Variants in RAPGEF1 observed in about 807,000 individuals in gnomAD.
RAPGEF1 encodes Rap guanine nucleotide exchange factor 1.
A neutral mutation model predicts 143.3 loss-of-function variants in RAPGEF1; 33 were observed. That is an observed-to-expected ratio of 0.23 (90% CI 0.17 to 0.31). The LOEUF (loss-of-function observed/expected upper bound fraction) is 0.31. Ranked by LOEUF, RAPGEF1 falls within the 10% of genes least tolerant of loss-of-function variation. RAPGEF1 has a pLI of 1.00. For missense variants in RAPGEF1, 1,199 were observed against 1,645.4 expected, an observed-to-expected ratio of 0.73 and a Z score of 4.69; for synonymous variants, 629 against 676.5, an observed-to-expected ratio of 0.93 and a Z score of 1.09.
At chr9:131,668,530 G>A (rs1049995219) in intron 1 of RAPGEF1, among the ~76,000 whole-genome samples, 4 of 152,172 alleles carry the variant, frequency 2.6e-5, no homozygotes, top group Admixed American at 1.3e-4. Context: ...CATGGACCTT[G>A]GCCAAGGTCA....
intron 1 of RAPGEF1, among the ~76,000 whole-genome samples, chr9:131,697,955 G>C (rs1470502133): frequency 1.3e-5 from 2 of 152,162 alleles, no homozygotes; most frequent in Non-Finnish European, 2.9e-5. Flanking sequence ...CAGAGGCCTG[G>C]AACAAAGTGG....
intron 1 of RAPGEF1, among the ~76,000 whole-genome samples, chr9:131,677,808 G>C (rs1024661077): frequency 6.6e-6 from 1 of 152,152 alleles, no homozygotes; most frequent in African/African-American, 2.4e-5. Context: ...ACAAACAAGC[G>C]GCCAGCTGCT....
chr9:131,611,391 C>T lies in RAPGEF1; in HGVS notation c.2062-6203G>A, dbSNP rs146549819. On this transcript the variant is annotated intron_variant, in intron 12 of 26. Coordinates refer to ENST00000683357, the MANE Select transcript of RAPGEF1 (RefSeq NM_001377935.1). ...AAAAGGATGTAAAAGAACAAAAATG[C>T]GTTGCTTGGGAGAAGATGGGTGAAT... Among the ~76,000 whole-genome samples, 7 of 152,284 alleles carry T rather than the reference C, an allele frequency of 4.6e-5. No individual in the cohort carries two copies. In the East Asian group the frequency reaches 7.7e-4, roughly 17 times the overall value.
At chr9:131,688,672 C>G (rs1468834086) in intron 1 of RAPGEF1, among the ~76,000 whole-genome samples, 1 of 152,144 alleles carries the variant, frequency 6.6e-6, no homozygotes, top group Non-Finnish European at 1.5e-5. Flanking sequence ...TGGCTCACCC[C>G]TGTAATCCCA....
chr9:131,611,989 C>T (rs2282004), intron 12 of RAPGEF1, among the ~76,000 whole-genome samples: 15,733 of 152,236 alleles, frequency 0.1, 1,038 homozygotes, highest in East Asian at 0.25. Context: ...CTTCTCTCTC[C>T]TGGCTTCTCC....
At chr9:131,695,187 G>GT (rs1215782999) in intron 1 of RAPGEF1, among the ~76,000 whole-genome samples, 7 of 152,140 alleles carry the variant, frequency 4.6e-5, no homozygotes, top group African/African-American at 1.7e-4. Flanking sequence ...ATGCATGAAC[G>GT]TGCTTCTTCT....
At chr9:131,586,611 C>T (rs1952935212) in intron 22 of RAPGEF1, among the ~76,000 whole-genome samples, 1 of 113,632 alleles carries the variant, frequency 8.8e-6, no homozygotes, top group Admixed American at 8.0e-5. Flanking sequence ...CCGTCTCAAA[C>T]ACACACACAC....
In RAPGEF1 at chr9:131,605,125, G is replaced by A; in HGVS notation, c.2125C>T (p.Pro709Ser). 3 of 1,363,914 alleles carry A rather than the reference G, an allele frequency of 2.2e-6. No individual in the cohort carries two copies. The highest frequency in any genetic ancestry group is 2.9e-6 in the Non-Finnish European group (3 of 1,020,674). 84.5% of individuals were successfully genotyped at this position (1,363,914 alleles called of 1,614,324 possible). A position where few individuals can be genotyped will look rare whatever the true frequency, so the allele number is the denominator to read the frequency against. ...FVPHHQASVP[P>S]FLPPTSSSSP... ...GAAGAGGAGGTAGGCGGAAGGAAAG[G>A]CGGAACGGAAGCTTGGTGGTGAGGC... Residue 709 changes from proline to serine, a missense_variant, in exon 13 of 27, where the codon CCT becomes TCT. Around this residue, in one of 6 missense-constraint regions of RAPGEF1, gnomAD observed 293 missense variants for 356.2 expected, o/e 0.82. Coordinates refer to ENST00000683357, the MANE Select transcript of RAPGEF1 (RefSeq NM_001377935.1).
intron 14 of RAPGEF1, among the ~76,000 whole-genome samples, chr9:131,603,386 G>A (rs1383921600): frequency 1.3e-5 from 2 of 152,236 alleles, no homozygotes; most frequent in African/African-American, 4.8e-5. Flanking sequence ...GTACCGCGAT[G>A]GTCGGGAGCT....
In RAPGEF1 at chr9:131,628,730, G is replaced by T; in HGVS notation, c.894-58C>A. ...ACCACACTCACCAAAGCTCTTCAGC[G>T]TGATATTGGGGTACAGGATGTGGGG... On this transcript the variant is annotated intron_variant, in intron 7 of 26. Transcript: ENST00000683357. The surrounding 1 kb of genome is among the most constrained non-coding windows in gnomAD (Gnocchi z 5.7). 1 of 1,532,008 alleles carries T rather than the reference G, an allele frequency of 6.5e-7. No homozygotes were observed. The highest frequency in any genetic ancestry group is 1.3e-5 in the South Asian group (1 of 79,466). The allele number at this position is 1,532,008 out of a possible 1,614,324, so 94.9% of individuals were successfully genotyped here. A position where few individuals can be genotyped will look rare whatever the true frequency, so the allele number is the denominator to read the frequency against.
chr9:131,709,469 T>C (rs945329841), intron 1 of RAPGEF1: 10 of 665,778 alleles, frequency 1.5e-5, no homozygotes, highest in East Asian at 8.2e-5. Flanking sequence ...CTCAGGAGAA[T>C]TGTGAATTTT....
chr9:131,597,529 C>T (rs925950763), intron 16 of RAPGEF1, among the ~76,000 whole-genome samples: 15 of 152,318 alleles, frequency 9.8e-5, no homozygotes, highest in Admixed American at 7.2e-4. Context: ...ACAGTTGCCT[C>T]CTGGTGCGGG....
In RAPGEF1 at chr9:131,587,139, AACAC is replaced by A. The variant is rs763365306; in HGVS notation, c.3233+593_3233+596del. 1.1e-3 allele frequency among the ~76,000 whole-genome samples: 93 copies of A among 87,752 alleles called. 5 individuals carry two copies. The highest frequency in any genetic ancestry group is 3.0e-3 in the Admixed American group (26 of 8,526). 57.6% of individuals were successfully genotyped at this position (87,752 alleles called of 152,430 possible). Reference sequence around the variant, plus strand: ...ACCTGCAGAGCGAGACTCCGTCTCAAACACACACACACACACACACCTGCAGAGC... The same window carrying A: ...ACCTGCAGAGCGAGACTCCGTCTCAAACACACACACACACACCTGCAGAGC... On this transcript the variant is annotated intron_variant, in intron 22 of 26. Transcript: ENST00000683357.
At chr9:131,614,721 C>A (rs957726581) in intron 12 of RAPGEF1, among the ~76,000 whole-genome samples, 27 of 152,350 alleles carry the variant, frequency 1.8e-4, no homozygotes, top group African/African-American at 6.0e-4. Flanking sequence ...GAAACCTGGG[C>A]CCATCTCAGA....
Position 131,582,704 on chromosome 9 carries a change from T to TGGCAGGACAGGACAG in RAPGEF1, c.3415-17_3415-3dup. The TGGCAGGACAGGACAG allele has an allele frequency of 1.3e-6, 2 of 1,561,870 alleles. No individual in the cohort carries two copies. The highest frequency in any genetic ancestry group is 2.4e-5 in the South Asian group (2 of 83,184). On this transcript the variant is annotated splice_polypyrimidine_tract_variant and splice_region_variant and intron_variant, in intron 24 of 26. Transcript: ENST00000683357. ...CAGTGTGCAGTACTCGGCCAGGCCC[T>TGGCAGGACAGGACAG]GGCAGGACAGGACAGGACAGGACCG... is the stretch of plus-strand genomic sequence containing the variant.
chr9:131,598,827 C>CTT (rs10647202), intron 15 of RAPGEF1, among the ~76,000 whole-genome samples: 15,223 of 138,858 alleles, frequency 0.11, 1,050 homozygotes, highest in Middle Eastern at 0.24. Flanking sequence ...TATTTATTTG[C>CTT]TTTTTTTTTT....
chr9:131,673,689 AC>A (rs561394103), intron 1 of RAPGEF1, among the ~76,000 whole-genome samples: 2 of 151,616 alleles, frequency 1.3e-5, no homozygotes, highest in African/African-American at 2.4e-5. Flanking sequence ...CTACAAAAGC[AC>A]CCCCCCGGCC....
intron 1 of RAPGEF1, among the ~76,000 whole-genome samples, chr9:131,731,733 T>C (rs1837088638): frequency 6.6e-6 from 1 of 152,238 alleles, no homozygotes; most frequent in African/African-American, 2.4e-5. Context: ...CAGTGCTCCA[T>C]TTCTACGCTT....
chr9:131,738,131 T>C (rs1212436241), intron 1 of RAPGEF1, among the ~76,000 whole-genome samples: 1 of 151,980 alleles, frequency 6.6e-6, no homozygotes, highest in Non-Finnish European at 1.5e-5. Context: ...TGATTTCCAA[T>C]CCGGTTCATT....
Sources: allele counts gnomAD v4.1 joint callset (sites outside exome capture counted in the v4.1 genomes callset), GRCh38; gene constraint gnomAD v4.1.1; regional missense constraint gnomAD v4.1.1; non-coding constraint Gnocchi (gnomAD v3.1); transcripts MANE v1.5; gene names NCBI Gene and HGNC (gene_info 2026-07-23, HGNC 2026-07-21).